The following PLEKHG1 variants were observed in gnomAD, a reference collection of about 807,000 sequenced individuals.
PLEKHG1 encodes pleckstrin homology and RhoGEF domain containing G1.
In PLEKHG1, 44 loss-of-function variants were observed where a neutral mutation model predicts 100.8. That is an observed-to-expected ratio of 0.44 (90% CI 0.34 to 0.56). PLEKHG1 has a LOEUF of 0.56. PLEKHG1 is among the 20% of genes least tolerant of loss of function. The probability of loss-of-function intolerance (pLI) is 0.01; values close to 1 mark genes in which losing one functional copy is unlikely to be tolerated. For synonymous variants in PLEKHG1, 640 were observed against 662.5 expected (o/e 0.97, Z 0.52); for missense variants, 1,545 against 1,720.9 (o/e 0.90, Z 1.81).
At chr6:150,751,442 A>T (rs142910921) in intron 2 of PLEKHG1, among the ~76,000 whole-genome samples, 168 of 152,330 alleles carry the variant, frequency 1.1e-3, no homozygotes, top group African/African-American at 3.8e-3. Flanking sequence ...GTCTAATTCA[A>T]GAAGCATAAG....
intron 3 of PLEKHG1, among the ~76,000 whole-genome samples, chr6:150,772,330 G>T (rs148388481): frequency 1.3e-5 from 2 of 152,184 alleles, no homozygotes; most frequent in African/African-American, 2.4e-5. Flanking sequence ...TGGTTTTGTT[G>T]CCATTACTAT....
chr6:150,604,872 G>A (rs1403951218), intron 1 of PLEKHG1, among the ~76,000 whole-genome samples: 2 of 152,180 alleles, frequency 1.3e-5, no homozygotes, highest in African/African-American at 4.8e-5. Flanking sequence ...CCTATGAAAT[G>A]AGGCCCAAAC....
At chr6:150,719,080 C>T (rs975616347), upstream of PLEKHG1, among the ~76,000 whole-genome samples, 3 of 151,998 alleles carry the variant, frequency 2.0e-5, no homozygotes, top group East Asian at 1.9e-4. Flanking sequence ...AAGCAGAAAC[C>T]GCGGATGAAC....
chr6:150,602,688 AAGTCCCAGGAGTGTATGATTTTG>A (rs1776404346), intron 1 of PLEKHG1, among the ~76,000 whole-genome samples: 1 of 152,132 alleles, frequency 6.6e-6, no homozygotes, highest in African/African-American at 2.4e-5. Context: ...TTGATAAACC[AAGTCCCAGGAGTGTATGATTTTG>A]CAGAAGTTTA....
intron 4 of PLEKHG1, among the ~76,000 whole-genome samples, chr6:150,794,502 C>G (rs934302076): frequency 6.6e-6 from 1 of 152,066 alleles, no homozygotes; most frequent in African/African-American, 2.4e-5. Context: ...CCTATCTCTA[C>G]TAAAAATACA....
Position 150,779,344 on chromosome 6 carries a change from G to GTTTGTTTTTTTTTTTTTTTTTTT in PLEKHG1, c.513-7043_513-7042insGTTTTTTTTTTTTTTTTTTTTTT, listed in dbSNP as rs1257363893. ...ACAGGGGGTTAAATATTGTCAAGAA[G>GTTTGTTTTTTTTTTTTTTTTTTT]TTTTTTTTTTTTTTTTTTTGAGACA... is the stretch of plus-strand genomic sequence containing the variant. On this transcript the variant is annotated intron_variant, in intron 3 of 15. Coordinates refer to ENST00000358517, the Ensembl canonical transcript of PLEKHG1. Among the ~76,000 whole-genome samples, 4 of 104,534 alleles carry GTTTGTTTTTTTTTTTTTTTTTTT rather than the reference G, an allele frequency of 3.8e-5. 2 individuals are homozygous for GTTTGTTTTTTTTTTTTTTTTTTT. The highest frequency in any genetic ancestry group is 1.7e-4 in the African/African-American group (4 of 23,202). 68.6% of individuals were successfully genotyped at this position (104,534 alleles called of 152,430 possible). A position where few individuals can be genotyped will look rare whatever the true frequency, so the allele number is the denominator to read the frequency against.
intron 1 of PLEKHG1, among the ~76,000 whole-genome samples, chr6:150,622,128 G>A (rs1010449873): frequency 1.7e-4 from 26 of 152,110 alleles, no homozygotes; most frequent in African/African-American, 5.8e-4. Context: ...AGACGGAAGG[G>A]AGCAGAGAGC....
rs367569639 is a variant in PLEKHG1, at chr6:150,831,897, T to G, written c.2786T>G (p.Met929Arg). The G allele has an allele frequency of 3.1e-6, 5 of 1,613,950 alleles. No individual in the cohort carries two copies. The African/African-American group carries it at 6.7e-5, about 22-fold the overall frequency. Reference sequence around the variant, plus strand: ...CTGATTTCTAAAGAAGGCTCCTTTATGAGCCTTAACCGGCTTTCTCTGGCT... The same window carrying G: ...CTGATTTCTAAAGAAGGCTCCTTTAGGAGCCTTAACCGGCTTTCTCTGGCT... Residue 929 changes from methionine to arginine, a missense_variant, in exon 15 of 16, where the codon ATG becomes AGG. Physicochemically the swap from Met to Arg is moderately conservative, Grantham distance 91. Coordinates refer to ENST00000358517, the Ensembl canonical transcript of PLEKHG1. The surrounding 1 kb of genome is among the most constrained non-coding windows in gnomAD (Gnocchi z 4.1).
chr6:150,717,709 T>A (rs548313837), upstream of PLEKHG1, among the ~76,000 whole-genome samples: 126 of 152,330 alleles, frequency 8.3e-4, no homozygotes, highest in Middle Eastern at 6.8e-3. Context: ...CAAAGCTGCT[T>A]TCCAGCAAGG....
rs949817079 is a variant in PLEKHG1, at chr6:150,599,950, G to T, written c.-271G>T. 26 of 220,914 alleles carry T rather than the reference G, an allele frequency of 1.2e-4. No individual in the cohort carries two copies. In the Admixed American group the frequency reaches 1.3e-3, roughly 11 times the overall value. The allele number at this position is 220,914 out of a possible 1,614,324, so 13.7% of individuals were successfully genotyped here. On this transcript the variant is annotated 5_prime_UTR_variant, in exon 1 of 4. Coordinates refer to the PLEKHG1 transcript ENST00000367326. Reference sequence around the variant, plus strand: ...CGCTCCGGCAGCCCGAGCCGGCGCAGCGCAGCCCGCACCCTCCCCGCCCGA... The same window carrying T: ...CGCTCCGGCAGCCCGAGCCGGCGCATCGCAGCCCGCACCCTCCCCGCCCGA...
chr6:150,820,376 C>T (rs953427331), intron 12 of PLEKHG1, among the ~76,000 whole-genome samples: 1 of 152,102 alleles, frequency 6.6e-6, no homozygotes, highest in African/African-American at 2.4e-5. Flanking sequence ...AAAAGATTAT[C>T]CAAAGCTAAA....
Position 150,809,494 on chromosome 6 carries a change from G to A in PLEKHG1, c.1191+18G>A, listed in dbSNP as rs766856651. The stretch of plus-strand genomic sequence containing the variant: ...CAGTCCAGGTAGCAGCCGGGCCCTG[G>A]CCTCTCCGCAAGGCCCCTTTGTGTA... On this transcript the variant is annotated intron_variant, in intron 9 of 15. Coordinates refer to ENST00000358517, the Ensembl canonical transcript of PLEKHG1. 4 of 1,599,542 alleles carry A rather than the reference G, an allele frequency of 2.5e-6. No individual in the cohort carries two copies. The highest frequency in any genetic ancestry group is 1.8e-4 in the Middle Eastern group (1 of 5,700).
chr6:150,647,264 A>C (rs1010180053), intron 2 of PLEKHG1, among the ~76,000 whole-genome samples: 1 of 152,214 alleles, frequency 6.6e-6, no homozygotes, highest in Admixed American at 6.5e-5. Context: ...TTTGTCCTGC[A>C]TATAAAAAGC....
intron 2 of PLEKHG1, among the ~76,000 whole-genome samples, chr6:150,649,928 C>A (rs1395425562): frequency 6.6e-6 from 1 of 152,118 alleles, no homozygotes; most frequent in Non-Finnish European, 1.5e-5. Context: ...AGCAGAATGG[C>A]GTGAGCCTGG....
At position 150,630,753 on chromosome 6, in the gene PLEKHG1, C is replaced by T. The variant is rs558697668; in HGVS notation, c.-203-7327C>T. Among the ~76,000 whole-genome samples, 52 of 152,156 alleles carry T rather than the reference C, an allele frequency of 3.4e-4. No homozygotes were observed. The South Asian group carries it at 6.4e-3, about 19-fold the overall frequency. ...GCAAATCAATGATATTTACAATCACCGGGCTAGATGAGGTATCAGAGTGAG... is the reference window on the plus strand; with the variant it reads ...GCAAATCAATGATATTTACAATCACTGGGCTAGATGAGGTATCAGAGTGAG... On this transcript the variant is annotated intron_variant, in intron 1 of 3. Transcript: ENST00000367326.
chr6:150,638,829 C>G (rs1239262879), intron 2 of PLEKHG1, among the ~76,000 whole-genome samples: 1 of 152,194 alleles, frequency 6.6e-6, no homozygotes, highest in Non-Finnish European at 1.5e-5. Flanking sequence ...CTTTATATAG[C>G]AGGGAATAGA....
At chr6:150,704,495 G>C (rs1393493249) in intron 3 of PLEKHG1, among the ~76,000 whole-genome samples, 2 of 152,172 alleles carry the variant, frequency 1.3e-5, no homozygotes, top group African/African-American at 4.8e-5. Flanking sequence ...TTTTTCATTG[G>C]GATGATGGAC....
At chr6:150,674,046 G>A (rs1408901617) in intron 3 of PLEKHG1, among the ~76,000 whole-genome samples, 2 of 152,158 alleles carry the variant, frequency 1.3e-5, no homozygotes, top group African/African-American at 4.8e-5. Flanking sequence ...CACAAAGTGT[G>A]TAGACATGAG....
chr6:150,661,089 T>C (rs1022530034), intron 3 of PLEKHG1, among the ~76,000 whole-genome samples: 23 of 152,136 alleles, frequency 1.5e-4, no homozygotes, highest in African/African-American at 5.6e-4. Context: ...TTTCCTCCCC[T>C]GGAATAGAAT....
Sources: gnomAD v4.1 joint callset for allele counts (sites outside exome capture counted in the v4.1 genomes callset) on GRCh38, gnomAD v4.1.1 for gene constraint, Gnocchi (gnomAD v3.1) non-coding constraint, MANE v1.5 for transcripts, NCBI Gene and HGNC (gene_info 2026-07-23, HGNC 2026-07-21) for gene names.